Variants in SPDL1 observed in about 807,000 individuals in gnomAD.
SPDL1 encodes the protein protein Spindly.
Under a neutral mutation model 79.5 loss-of-function variants are expected in SPDL1, and 85 were observed. The ratio of observed to expected loss-of-function variants is 1.07; its 90% CI spans 0.90 to 1.28. The LOEUF is 1.28. Ranked by LOEUF, SPDL1 falls within the 50% of genes most tolerant of loss-of-function variation. The pLI, the probability that SPDL1 is intolerant of heterozygous loss-of-function variation, is 0.00. For missense variants in SPDL1, 703 were observed against 697.8 expected (o/e 1.01, Z -0.08); for synonymous variants, 269 against 240.3 (o/e 1.12, Z -1.10).
intron 8 of SPDL1, among the ~76,000 whole-genome samples, chr5:169,597,371 C>T (rs1283978101): frequency 6.6e-6 from 1 of 152,012 alleles, no homozygotes; most frequent in Non-Finnish European, 1.5e-5. Context: ...CTTTATCATA[C>T]ATCAAGTTTC....
In SPDL1 at chr5:169,588,422, G is replaced by A. The variant is rs752301420; in HGVS notation, c.6G>A (p.Glu2=). 6.2e-7 allele frequency: 1 copy of A among 1,606,404 alleles called. No individual in the cohort carries two copies. Among genetic ancestry groups the A allele is most frequent in the Admixed American group, 1.7e-5 (1 of 58,336 alleles). ...GCTAAAAAAAAGAAAAGAACATGGA[G>A]GCAGATATAATCACAAATCTTCGAT... The part of the protein sequence containing the change: M[E]ADIITNLRCR... Residue 2 remains glutamate (E), a synonymous_variant, in exon 2 of 12, where the codon GAG becomes GAA. Coordinates refer to ENST00000265295, the MANE Select transcript of SPDL1 (RefSeq NM_017785.5).
chr5:169,598,707 C>G lies in SPDL1; in HGVS notation c.1136+128C>G, dbSNP rs555146474. ...CCGAAAAGAAAGGTAACAAAAATAT[C>G]TTTGTGCAGATATTCATGTGTGAAT... On this transcript the variant is annotated intron_variant, in intron 9 of 11. Coordinates refer to ENST00000265295, the MANE Select transcript of SPDL1 (RefSeq NM_017785.5). 436 of 991,724 alleles carry G rather than the reference C, an allele frequency of 4.4e-4. 6 individuals carry two copies. The South Asian group carries it at 5.9e-3, about 13-fold the overall frequency. The allele number at this position is 991,724 out of a possible 1,614,324, so 61.4% of individuals were successfully genotyped here.
rs770921258 is a variant in SPDL1 at position 169,604,463 on chromosome 5, G to A, written c.*256G>A. On this transcript the variant is annotated 3_prime_UTR_variant, in exon 12 of 12. Coordinates refer to ENST00000265295, the MANE Select transcript of SPDL1 (RefSeq NM_017785.5). Reference sequence around the variant, plus strand: ...ATTGAAGGAAAATGTTATAATTAATGTATCTATTTGCTGCATTGTATATGG... The same window carrying A: ...ATTGAAGGAAAATGTTATAATTAATATATCTATTTGCTGCATTGTATATGG... 2.6e-5 allele frequency: 6 copies of A among 231,192 alleles called. No homozygotes were observed. Among genetic ancestry groups the A allele is most frequent in the Non-Finnish European group, 4.2e-5 (5 of 119,874 alleles). The allele number at this position is 231,192 out of a possible 1,614,324, so 14.3% of individuals were successfully genotyped here. A position where few individuals can be genotyped will look rare whatever the true frequency, so the allele number is the denominator to read the frequency against.
In SPDL1 at chr5:169,604,302, T is replaced by C. The variant is rs1048789918; in HGVS notation, c.*95T>C. On this transcript the variant is annotated 3_prime_UTR_variant, in exon 12 of 12. Coordinates refer to ENST00000265295, the MANE Select transcript of SPDL1 (RefSeq NM_017785.5). ...ATCTGACATATATCACCTTCTGGGT[T>C]ATTTACTCATTGTGCCAGGACCTGG... The C allele has an allele frequency of 3.2e-6, 4 of 1,233,410 alleles. No homozygotes were observed. The Admixed American group carries it at 1.1e-4, about 34-fold the overall frequency. 76.4% of individuals were successfully genotyped at this position (1,233,410 alleles called of 1,614,324 possible).
chr5:169,593,442 C>G lies in SPDL1; in HGVS notation c.425C>G (p.Ser142Cys), dbSNP rs778844369. 1.2e-6 allele frequency: 2 copies of G among 1,613,898 alleles called. No homozygotes were observed. The highest frequency in any genetic ancestry group is 1.3e-5 in the African/African-American group (1 of 74,998). ...GTAGATCATCAGAAGGAACTCCTCTCTTGTAAATCAGAGGAACTGCGCGTA... is the reference window on the plus strand; with the variant it reads ...GTAGATCATCAGAAGGAACTCCTCTGTTGTAAATCAGAGGAACTGCGCGTA... ...HQVDHQKELL[S>C]CKSEELRVMS... Residue 142 changes from serine to cysteine, a missense_variant, in exon 4 of 12, where the codon TCT becomes TGT. By Grantham distance (112) the Ser-to-Cys change is moderately radical (BLOSUM62 -1). Coordinates refer to ENST00000265295, the MANE Select transcript of SPDL1 (RefSeq NM_017785.5).
chr5:169,599,277 C>A, intron 10 of SPDL1, 118 bp downstream of exon 10: 5 of 866,748 alleles, frequency 5.8e-6, no homozygotes, highest in Non-Finnish European at 8.0e-6. Context: ...TAGTTATATA[C>A]CTATAGTTAA....
Position 169,599,059 on chromosome 5 carries a change from A to G in SPDL1, c.1224A>G (p.Arg408=). The G allele has an allele frequency of 6.2e-7, 1 of 1,603,542 alleles. No individual in the cohort carries two copies. The highest frequency in any genetic ancestry group is 8.5e-7 in the Non-Finnish European group (1 of 1,171,974). Residue 408 remains arginine (R), a synonymous_variant, in exon 10 of 12, where the codon CGA becomes CGG. Transcript: ENST00000265295. The part of the protein sequence containing the change: ...FESQRALDIE[R]KLFANERCLQ... ...GCCAGCGGGCTCTAGATATTGAGCGAAAACTTTTTGCAAATGAAAGATGCC... is the reference window on the plus strand; with the variant it reads ...GCCAGCGGGCTCTAGATATTGAGCGGAAACTTTTTGCAAATGAAAGATGCC...
intron 9 of SPDL1, among the ~76,000 whole-genome samples, 192 bp downstream of exon 9, chr5:169,598,771 TC>T (rs1755730702): frequency 6.6e-6 from 1 of 152,244 alleles, no homozygotes; most frequent in African/African-American, 2.4e-5. Flanking sequence ...CCATTTCCTT[TC>T]AAGAATGCAT....
rs1424027073 is a variant in SPDL1 at position 169,591,197 on chromosome 5, A to T, written c.309A>T (p.Gly103=). The T allele has an allele frequency of 6.2e-7, 1 of 1,613,724 alleles. No individual in the cohort carries two copies. Among genetic ancestry groups the T allele is most frequent in the Admixed American group, 1.7e-5 (1 of 59,928 alleles). ...KLEEQLSRSH[G]QEVNELKTKI... is the part of the protein sequence containing the mutation. ...AAGAACAACTAAGCAGAAGCCATGG[A>T]CAGGAAGTGAATGAACTAAAAACTA... The change falls in exon 3 of 12, where the codon GGA becomes GGT. Residue 103 remains glycine (G), a synonymous_variant. Transcript: ENST00000265295.
chr5:169,594,066 AC>A, intron 4 of SPDL1, 78 bp from the exon 5 acceptor site: 1 of 1,236,912 alleles, frequency 8.1e-7, no homozygotes, highest in Non-Finnish European at 1.1e-6. Flanking sequence ...GATGTGAACC[AC>A]AACTGAGATA....
At chr5:169,584,988 G>C (rs900211473) in intron 1 of SPDL1, among the ~76,000 whole-genome samples, 1 of 149,586 alleles carries the variant, frequency 6.7e-6, no homozygotes, top group African/African-American at 2.5e-5. Context: ...CCGCAGTCTG[G>C]CCTGGGCGAC....
At position 169,601,378 on chromosome 5, in the gene SPDL1, G is replaced by A. The variant is rs140080951; in HGVS notation, c.1423G>A (p.Gly475Arg). The change falls in exon 11 of 12, where the codon GGA becomes AGA. Residue 475 changes from glycine to arginine, a missense_variant. Physicochemically the swap from Gly to Arg is moderately radical, Grantham distance 125 (BLOSUM62 -2). Transcript: ENST00000265295. ...DACVNNSALG[G>R]EVYRLPPQKE... ...ATGTGTCAACAACAGTGCTCTCGGG[G>A]GAGAAGTTTATCGATTACCGCCTCA... 1.7e-3 allele frequency: 2,664 copies of A among 1,614,056 alleles called. 5 individuals are homozygous for A. The highest frequency in any genetic ancestry group is 1.8e-3 in the Non-Finnish European group (2,079 of 1,180,010).
intron 8 of SPDL1, 60 bp downstream of exon 8, chr5:169,596,761 G>T: frequency 7.0e-7 from 1 of 1,435,662 alleles, no homozygotes; most frequent in Non-Finnish European, 9.4e-7. Context: ...CTTAAAATTT[G>T]GTTTGTTTTT....
chr5:169,604,009 A>G, intron 11 of SPDL1, 51 bp from the exon 12 acceptor site: 1 of 1,552,302 alleles, frequency 6.4e-7, no homozygotes, highest in East Asian at 2.3e-5. Flanking sequence ...TTGTTTCTTC[A>G]ATCCTTCATA....
chr5:169,598,210 A>G (rs1027333913), intron 8 of SPDL1, among the ~76,000 whole-genome samples: 8 of 152,242 alleles, frequency 5.3e-5, no homozygotes, highest in Non-Finnish European at 8.8e-5. Flanking sequence ...AGGTAAGGCT[A>G]GAAGCCTAGG....
At chr5:169,601,651 A>G in intron 11 of SPDL1, 26 bp downstream of exon 11, 1 of 1,597,814 alleles carries the variant, frequency 6.3e-7, no homozygotes. Flanking sequence ...TCCTCCAGGC[A>G]GCCAGCAGAC....
intron 3 of SPDL1, among the ~76,000 whole-genome samples, chr5:169,593,059 G>A (rs573404860): frequency 6.6e-6 from 1 of 152,188 alleles, no homozygotes; most frequent in East Asian, 1.9e-4. Flanking sequence ...CAGGTTGCTT[G>A]CTTCCATTGT....
chr5:169,586,023 C>G (rs1298567652), intron 1 of SPDL1: 1 of 152,234 alleles, frequency 6.6e-6, no homozygotes, highest in Non-Finnish European at 1.5e-5. Context: ...ATCCCATGAC[C>G]TACAAACACT....
At chr5:169,598,720 T>C (rs934182644) in intron 9 of SPDL1, 141 bp downstream of exon 9, 4 of 937,090 alleles carry the variant, frequency 4.3e-6, no homozygotes, top group Middle Eastern at 2.2e-4. Context: ...TGTGCAGATA[T>C]TCATGTGTGA....
Sources: gnomAD v4.1 joint callset for allele counts (sites outside exome capture counted in the v4.1 genomes callset) on GRCh38, gnomAD v4.1.1 for gene constraint, MANE v1.5 for transcripts, NCBI Gene and HGNC (gene_info 2026-07-23, HGNC 2026-07-21) for gene names.